The following GAB2 variants were observed in gnomAD, a reference collection of about 807,000 sequenced individuals.
GAB2 encodes the protein GRB2-associated-binding protein 2.
In GAB2, 26 loss-of-function variants were observed where a neutral mutation model predicts 65.5. The ratio of observed to expected loss-of-function variants is 0.40; its 90% confidence interval spans 0.29 to 0.55. The LOEUF is 0.55. GAB2 is among the 20% of genes least tolerant of loss of function. GAB2 has a pLI of 0.53. For missense variants in GAB2, 884 were observed against 875.8 expected (o/e 1.01, Z -0.12); for synonymous variants, 321 against 329.6 (o/e 0.97, Z 0.28).
intron 6 of GAB2, among the ~76,000 whole-genome samples, chr11:78,222,580 A>T (rs573729788): frequency 6.7e-5 from 10 of 149,818 alleles, no homozygotes; most frequent in Non-Finnish European, 1.5e-4. Context: ...TTATATATTA[A>T]CACACATATA....
At chr11:78,252,131 T>C (rs1014708048) in intron 2 of GAB2, among the ~76,000 whole-genome samples, 3 of 152,246 alleles carry the variant, frequency 2.0e-5, no homozygotes, top group Non-Finnish European at 4.4e-5. Context: ...CTGACCTATC[T>C]CAGGCTGTAC....
chr11:78,269,048 T>A (rs202164449), intron 2 of GAB2, among the ~76,000 whole-genome samples: 2 of 149,562 alleles, frequency 1.3e-5, no homozygotes, highest in South Asian at 2.2e-4. Flanking sequence ...CTTTTTTTTT[T>A]AAAGGAATTA....
At chr11:78,230,384 G>A (rs567746877) in intron 3 of GAB2, among the ~76,000 whole-genome samples, 3 of 152,288 alleles carry the variant, frequency 2.0e-5, no homozygotes, top group South Asian at 4.1e-4. Flanking sequence ...CCTGTGGAAC[G>A]CTTCCTTGAT....
intron 2 of GAB2, among the ~76,000 whole-genome samples, chr11:78,277,862 T>A (rs2134579870): frequency 6.6e-6 from 1 of 152,324 alleles, no homozygotes; most frequent in East Asian, 1.9e-4. Context: ...CTTCCTTTTG[T>A]TCCTGCTCTA....
intron 3 of GAB2, among the ~76,000 whole-genome samples, chr11:78,238,203 A>C (rs1865034225): frequency 1.3e-5 from 1 of 76,972 alleles, no homozygotes; most frequent in Non-Finnish European, 3.1e-5. Context: ...TTGAGGGAAG[A>C]AACAAAAAAA....
At chr11:78,331,156 C>A (rs1233000904) in intron 1 of GAB2, among the ~76,000 whole-genome samples, 3 of 151,698 alleles carry the variant, frequency 2.0e-5, no homozygotes, top group African/African-American at 7.3e-5. Flanking sequence ...GCCTGGGTGA[C>A]AGAGACAGAC....
chr11:78,340,408 C>G (rs1294301337), intron 1 of GAB2, among the ~76,000 whole-genome samples: 1 of 152,174 alleles, frequency 6.6e-6, no homozygotes, highest in Non-Finnish European at 1.5e-5. Context: ...TTTATTCACA[C>G]TGTGCATACA....
rs1186176345 is a variant in GAB2 at position 78,226,627 on chromosome 11, T to C, written c.1045A>G (p.Ile349Val). The change falls in exon 4 of 10, where the codon ATA becomes GTA. Residue 349 changes from isoleucine (I) to valine (V), a missense_variant. Coordinates refer to ENST00000361507, the MANE Select transcript of GAB2 (RefSeq NM_080491.3). ...TTGGGGGGGCGGGGTGGGGGAGCTA[T>C]GGCTGAGTCCCCAGGAGTGGCCACT... is the stretch of plus-strand genomic sequence containing the variant. ...MTVATPGDSA[I>V]APPPRPPKPS... is the part of the protein sequence containing the mutation. 1.9e-6 allele frequency: 3 copies of C among 1,612,658 alleles called. No individual in the cohort carries two copies. Among genetic ancestry groups the C allele is most frequent in the Non-Finnish European group, 2.5e-6 (3 of 1,178,868 alleles).
chr11:78,307,604 T>TAGAGAGAGAGAGCGAGAG (rs1855392350), intron 1 of GAB2, among the ~76,000 whole-genome samples: 1 of 121,884 alleles, frequency 8.2e-6, no homozygotes, highest in Non-Finnish European at 1.6e-5. Context: ...CAAAAAATGT[T>TAGAGAGAGAGAGCGAGAG]AGAGAGAGAG....
intron 1 of GAB2, among the ~76,000 whole-genome samples, chr11:78,347,932 A>G (rs1459976587): frequency 6.6e-6 from 1 of 152,200 alleles, no homozygotes; most frequent in Non-Finnish European, 1.5e-5. Flanking sequence ...CTCCCCTGAA[A>G]CTTAACTACT....
chr11:78,325,014 C>A (rs902191851), intron 1 of GAB2, among the ~76,000 whole-genome samples: 1 of 152,160 alleles, frequency 6.6e-6, no homozygotes, highest in Non-Finnish European at 1.5e-5. Flanking sequence ...AATATTTACA[C>A]CATGGGAATT....
chr11:78,404,430 C>T (rs554995489), intron 1 of GAB2, among the ~76,000 whole-genome samples: 39 of 152,218 alleles, frequency 2.6e-4, no homozygotes, highest in African/African-American at 9.4e-4. Flanking sequence ...GTCTGTAGTC[C>T]CAGCTACTCA....
chr11:78,372,115 C>CT (rs1395411293), intron 1 of GAB2, among the ~76,000 whole-genome samples: 6 of 152,150 alleles, frequency 3.9e-5, no homozygotes, highest in Non-Finnish European at 8.8e-5. Context: ...AAGGTATCTG[C>CT]TTTTTTTCCT....
intron 2 of GAB2, among the ~76,000 whole-genome samples, chr11:78,251,602 C>A (rs1170236611): frequency 1.3e-5 from 2 of 152,216 alleles, no homozygotes; most frequent in Non-Finnish European, 2.9e-5. Context: ...CTTGAACACA[C>A]CAGCCTCTTT....
At chr11:78,414,816 GCTT>G (rs1337133048) in intron 1 of GAB2, among the ~76,000 whole-genome samples, 6 of 152,138 alleles carry the variant, frequency 3.9e-5, no homozygotes, top group Admixed American at 2.0e-4. Context: ...ATTTGCCTTT[GCTT>G]CTTCTAAGAT....
intron 1 of GAB2, among the ~76,000 whole-genome samples, chr11:78,286,577 T>A (rs559394022): frequency 6.6e-6 from 1 of 152,220 alleles, no homozygotes; most frequent in South Asian, 2.1e-4. Context: ...TCAGGGAAGA[T>A]CTGTTGATTT....
Position 78,417,735 on chromosome 11 carries a change from G to GC in GAB2, c.-16dup, listed in dbSNP as rs769839130. ...CCGCCGCTCATGCTGCCGGCCTGGA[G>GC]CCCCCCGCCGGGTCGCGCGGACGAG... is the stretch of plus-strand genomic sequence containing the variant. On this transcript the variant is annotated 5_prime_UTR_variant, in exon 1 of 10. Transcript: ENST00000361507. 44 of 1,256,756 alleles carry GC rather than the reference G, an allele frequency of 3.5e-5. No individual in the cohort carries two copies. The East Asian group carries it at 4.0e-4, about 11-fold the overall frequency. The allele number at this position is 1,256,756 out of a possible 1,614,324, so 77.9% of individuals were successfully genotyped here.
chr11:78,409,250 T>C (rs989751437), intron 1 of GAB2, among the ~76,000 whole-genome samples: 1 of 151,880 alleles, frequency 6.6e-6, no homozygotes, highest in Non-Finnish European at 1.5e-5. Flanking sequence ...GATAAAAGGG[T>C]CATGCCACCA....
intron 1 of GAB2, among the ~76,000 whole-genome samples, chr11:78,401,658 CGT>C (rs1255549952): frequency 6.6e-6 from 1 of 150,812 alleles, no homozygotes; most frequent in Non-Finnish European, 1.5e-5. Flanking sequence ...AGTGTGTGTG[CGT>C]GTGTGTATAT....
Sources: gnomAD v4.1 joint callset for allele counts (sites outside exome capture counted in the v4.1 genomes callset) on GRCh38, gnomAD v4.1.1 for gene constraint, MANE v1.5 for transcripts, NCBI Gene and HGNC (gene_info 2026-07-23, HGNC 2026-07-21) for gene names.